The following RTF1 variants were observed in gnomAD, a reference collection of about 807,000 sequenced individuals.
RTF1 encodes the protein RTF1 homolog, Paf1/RNA polymerase II complex component.
Under a neutral mutation model 95.7 loss-of-function variants are expected in RTF1, and 10 were observed. The ratio of observed to expected loss-of-function variants is 0.10; its 90% CI spans 0.06 to 0.18. The LOEUF (loss-of-function observed/expected upper bound fraction) is 0.18. RTF1 is among the 10% of genes least tolerant of loss of function. The pLI is 1.00. For synonymous variants in RTF1, 305 were observed against 311.8 expected (o/e 0.98, Z 0.23); for missense variants, 458 against 875.6 (o/e 0.52, Z 6.02).
At chr15:41,476,067 A>T (rs1023429212) in intron 11 of RTF1, among the ~76,000 whole-genome samples, 1 of 152,220 alleles carries the variant, frequency 6.6e-6, no homozygotes, top group Non-Finnish European at 1.5e-5. Context: ...GGCTACATAC[A>T]CTAAAGTGTA....
intron 1 of RTF1, among the ~76,000 whole-genome samples, chr15:41,419,672 G>T (rs571906062): frequency 4.4e-4 from 67 of 152,302 alleles, no homozygotes; most frequent in African/African-American, 1.5e-3. Flanking sequence ...AGTGATGAAT[G>T]AACTGAACTG....
intron 14 of RTF1, 114 bp from the exon 15 acceptor site, chr15:41,478,434 A>C: frequency 1.3e-6 from 1 of 754,382 alleles, no homozygotes; most frequent in Non-Finnish European, 2.2e-6. Context: ...AAGGAAAAGG[A>C]TAATAGCTTT....
In RTF1 at chr15:41,438,435, G is replaced by C; in HGVS notation, c.309+4G>C. On this transcript the variant is annotated splice_donor_region_variant and intron_variant, in intron 2 of 17. Coordinates refer to ENST00000389629, the MANE Select transcript of RTF1 (RefSeq NM_015138.5). ...GACGTCTGACAGTGACGATGAGGTG[G>C]GTGTGGAGGGCCTCGGCTTCTGGGA... is the stretch of plus-strand genomic sequence containing the variant. 6.5e-7 allele frequency: 1 copy of C among 1,543,100 alleles called. No individual in the cohort carries two copies. The highest frequency in any genetic ancestry group is 8.8e-7 in the Non-Finnish European group (1 of 1,140,356).
intron 1 of RTF1, 141 bp downstream of exon 1, chr15:41,417,454 C>T (rs868658002): frequency 1.4e-6 from 1 of 701,190 alleles, no homozygotes. Context: ...CAGCCCCTTT[C>T]CCGTCTTCCT....
At chr15:41,471,382 G>GAAATAT (rs773927453) in intron 8 of RTF1, 33 bp downstream of exon 8, 35 of 1,585,066 alleles carry the variant, frequency 2.2e-5, no homozygotes, top group Middle Eastern at 1.7e-4. Flanking sequence ...AATTGTCCAT[G>GAAATAT]CTTTCAGTAT....
At chr15:41,456,747 G>A (rs1210975791) in intron 3 of RTF1, among the ~76,000 whole-genome samples, 5 of 151,774 alleles carry the variant, frequency 3.3e-5, no homozygotes, top group Non-Finnish European at 1.5e-5. Flanking sequence ...CCGAGATCGC[G>A]CTGCTGCACT....
chr15:41,424,389 T>C (rs2050618243), intron 1 of RTF1, among the ~76,000 whole-genome samples: 1 of 152,088 alleles, frequency 6.6e-6, no homozygotes, highest in Non-Finnish European at 1.5e-5. Context: ...GGCACCAGCA[T>C]ATATAAAAGA....
Position 41,461,939 on chromosome 15 carries a change from A to AGAGG in RTF1, c.663-2830_663-2827dup, listed in dbSNP as rs377133114. 3.3e-3 allele frequency among the ~76,000 whole-genome samples: 420 copies of AGAGG among 128,872 alleles called. 3 individuals are homozygous for AGAGG. Among genetic ancestry groups the AGAGG allele is most frequent in the African/African-American group, 0.012 (398 of 33,556 alleles). The allele number at this position is 128,872 out of a possible 152,430, so 84.5% of individuals were successfully genotyped here. A position where few individuals can be genotyped will look rare whatever the true frequency, so the allele number is the denominator to read the frequency against. ...TTTTTTCTTTTTTTTTTTTTTTTAGAGAGGGGGGGTTTGCCATGTTGCCCA... is the reference window on the plus strand; with the variant it reads ...TTTTTTCTTTTTTTTTTTTTTTTAGAGAGGGAGGGGGGGTTTGCCATGTTGCCCA... On this transcript the variant is annotated intron_variant, in intron 4 of 17. Coordinates refer to ENST00000389629, the MANE Select transcript of RTF1 (RefSeq NM_015138.5).
chr15:41,426,368 C>T (rs1595423270), intron 1 of RTF1, among the ~76,000 whole-genome samples: 1 of 151,410 alleles, frequency 6.6e-6, no homozygotes. Context: ...TGCAGTGGCA[C>T]GATCTCTGCT....
chr15:41,422,069 C>T (rs1223116533), intron 1 of RTF1, among the ~76,000 whole-genome samples: 1 of 152,094 alleles, frequency 6.6e-6, no homozygotes, highest in East Asian at 1.9e-4. Context: ...GAGTCTCACT[C>T]TATCGCCCAG....
intron 1 of RTF1, among the ~76,000 whole-genome samples, chr15:41,430,240 G>A (rs1227116822): frequency 2.0e-5 from 3 of 147,150 alleles, no homozygotes; most frequent in Non-Finnish European, 4.5e-5. Context: ...GCAGTGGCGC[G>A]ATCTCGGCTC....
At chr15:41,454,200 A>T (rs779735885) in intron 3 of RTF1, among the ~76,000 whole-genome samples, 4 of 151,928 alleles carry the variant, frequency 2.6e-5, no homozygotes, top group Non-Finnish European at 4.4e-5. Context: ...GGGGTTCAAG[A>T]GATTATTCTG....
In RTF1 at chr15:41,455,038, G is replaced by A. The variant is rs142695023; in HGVS notation, c.457+1990G>A. On this transcript the variant is annotated intron_variant, in intron 3 of 17. Coordinates refer to ENST00000389629, the MANE Select transcript of RTF1 (RefSeq NM_015138.5). ...AAGAAAATGTGTATGTATGCCAGCCGGGCATGGTGGCTCACACCTGTAATC... is the reference window on the plus strand; with the variant it reads ...AAGAAAATGTGTATGTATGCCAGCCAGGCATGGTGGCTCACACCTGTAATC... Among the ~76,000 whole-genome samples the A allele has an allele frequency of 6.6e-5, 10 of 152,168 alleles. No individual in the cohort carries two copies. In the East Asian group the frequency reaches 9.6e-4, roughly 15 times the overall value.
chr15:41,453,254 A>G, intron 3 of RTF1, among the ~76,000 whole-genome samples: 1 of 152,182 alleles, frequency 6.6e-6, no homozygotes, highest in Non-Finnish European at 1.5e-5. Context: ...AAGGTTGGTG[A>G]GACCCCTGAA....
At chr15:41,426,572 T>C (rs2050630844) in intron 1 of RTF1, among the ~76,000 whole-genome samples, 2 of 149,356 alleles carry the variant, frequency 1.3e-5, no homozygotes, top group Non-Finnish European at 3.0e-5. Flanking sequence ...CCCGAACTGC[T>C]AGGATTACAA....
intron 8 of RTF1, among the ~76,000 whole-genome samples, chr15:41,471,568 G>T (rs2050911797): frequency 1.3e-5 from 2 of 152,212 alleles, no homozygotes; most frequent in Admixed American, 1.3e-4. Context: ...AGATTTGGAT[G>T]TAGAATAATT....
intron 9 of RTF1, 34 bp from the exon 10 acceptor site, chr15:41,475,491 C>G (rs2050937717): frequency 6.4e-7 from 1 of 1,571,250 alleles, no homozygotes; most frequent in Middle Eastern, 1.7e-4. Flanking sequence ...TCAACATGCA[C>G]ATTTCTTGGA....
chr15:41,454,921 G>T (rs193251045), intron 3 of RTF1, among the ~76,000 whole-genome samples: 25 of 152,260 alleles, frequency 1.6e-4, no homozygotes, highest in Non-Finnish European at 2.6e-4. Flanking sequence ...TGTTCAGATA[G>T]ACAAAATTTT....
At chr15:41,445,531 T>C (rs993966084) in intron 2 of RTF1, among the ~76,000 whole-genome samples, 4 of 152,208 alleles carry the variant, frequency 2.6e-5, no homozygotes, top group African/African-American at 9.7e-5. Context: ...TTCTCTATGC[T>C]TTCCAGTTAA....
Sources: gnomAD v4.1 joint callset for allele counts (sites outside exome capture counted in the v4.1 genomes callset) on GRCh38, gnomAD v4.1.1 for gene constraint, MANE v1.5 for transcripts, NCBI Gene and HGNC (gene_info 2026-07-23, HGNC 2026-07-21) for gene names.